The following RHOJ variants were observed in gnomAD, a reference collection of about 807,000 sequenced individuals.
RHOJ encodes rho-related GTP-binding protein RhoJ.
In RHOJ, 11 loss-of-function variants were observed where a neutral mutation model predicts 23.4. That is an observed-to-expected ratio of 0.47 (90% CI 0.30 to 0.78). The LOEUF is 0.78. Ranked by LOEUF, RHOJ falls within the 30% of genes least tolerant of loss-of-function variation. The pLI, the probability that RHOJ is intolerant of heterozygous loss-of-function variation, is 0.08. For synonymous variants in RHOJ, 102 were observed against 102.7 expected (o/e 0.99, Z 0.04); for missense variants, 254 against 273.4 (o/e 0.93, Z 0.50).
intron 1 of RHOJ, among the ~76,000 whole-genome samples, chr14:63,218,081 A>G (rs567470834): frequency 6.6e-6 from 1 of 152,192 alleles, no homozygotes; most frequent in Non-Finnish European, 1.5e-5. Flanking sequence ...CTCTTCTGGC[A>G]TTTTAATAAA....
At chr14:63,224,973 G>C (rs1356236742) in intron 1 of RHOJ, among the ~76,000 whole-genome samples, 1 of 126,042 alleles carries the variant, frequency 7.9e-6, no homozygotes, top group Non-Finnish European at 1.6e-5. Context: ...TTTTTTTTGA[G>C]ATGGGGTCTC....
intron 1 of RHOJ, among the ~76,000 whole-genome samples, chr14:63,237,580 A>T (rs898843571): frequency 7.9e-5 from 12 of 152,208 alleles, no homozygotes; most frequent in African/African-American, 2.9e-4. Flanking sequence ...GCCATGACTC[A>T]AAAACTCCAA....
intron 1 of RHOJ, among the ~76,000 whole-genome samples, chr14:63,216,138 G>C (rs917912162): frequency 6.6e-6 from 1 of 152,086 alleles, no homozygotes; most frequent in African/African-American, 2.4e-5. Flanking sequence ...ACACCAAAAG[G>C]TTTTGCTTCC....
chr14:63,281,197 C>A, intron 3 of RHOJ, 62 bp downstream of exon 3: 4 of 1,481,776 alleles, frequency 2.7e-6, no homozygotes, highest in Non-Finnish European at 3.6e-6. Context: ...CCTTTAGGTA[C>A]CTCGTGAACA....
At chr14:63,287,170 A>T (rs1307803879) in intron 4 of RHOJ, among the ~76,000 whole-genome samples, 1 of 151,956 alleles carries the variant, frequency 6.6e-6, no homozygotes, top group African/African-American at 2.4e-5. Context: ...CCATTTATTC[A>T]TTAATTTTGC....
intron 2 of RHOJ, among the ~76,000 whole-genome samples, chr14:63,273,718 C>G (rs1447165479): frequency 6.6e-6 from 1 of 152,214 alleles, no homozygotes; most frequent in East Asian, 1.9e-4. Context: ...GTGGGCAAAG[C>G]CCTATTCAGA....
chr14:63,219,847 C>G (rs530887629), intron 1 of RHOJ, among the ~76,000 whole-genome samples: 12 of 152,112 alleles, frequency 7.9e-5, no homozygotes, highest in African/African-American at 2.4e-4. Flanking sequence ...TTTTCCTCCC[C>G]CTCTGTAGTA....
intron 2 of RHOJ, among the ~76,000 whole-genome samples, chr14:63,274,462 T>C (rs1036006139): frequency 2.6e-5 from 4 of 152,098 alleles, no homozygotes; most frequent in South Asian, 2.1e-4. Flanking sequence ...AGAGTTGCAG[T>C]TGGAGTTTGC....
intron 1 of RHOJ, among the ~76,000 whole-genome samples, chr14:63,211,835 C>T (rs1399982557): frequency 6.6e-6 from 1 of 152,148 alleles, no homozygotes; most frequent in South Asian, 2.1e-4. Context: ...CTATTTCCCT[C>T]AAGGCTAAAC....
chr14:63,231,713 G>A (rs1894698988), intron 1 of RHOJ, among the ~76,000 whole-genome samples: 1 of 152,078 alleles, frequency 6.6e-6, no homozygotes, highest in Non-Finnish European at 1.5e-5. Flanking sequence ...AAACTTATGA[G>A]GATTAATTAA....
At chr14:63,214,538 G>T (rs1257234006) in intron 1 of RHOJ, among the ~76,000 whole-genome samples, 1 of 152,180 alleles carries the variant, frequency 6.6e-6, no homozygotes, top group Non-Finnish European at 1.5e-5. Context: ...GGCCTTTAGT[G>T]CCTCTTGGAA....
chr14:63,259,117 T>A (rs1895230153), intron 1 of RHOJ, among the ~76,000 whole-genome samples: 1 of 152,168 alleles, frequency 6.6e-6, no homozygotes, highest in Non-Finnish European at 1.5e-5. Flanking sequence ...TTTTTGTATT[T>A]CTAGTAGAGA....
chr14:63,220,786 G>C (rs1894474870), intron 1 of RHOJ, among the ~76,000 whole-genome samples: 1 of 152,164 alleles, frequency 6.6e-6, no homozygotes, highest in Admixed American at 6.5e-5. Flanking sequence ...AGATCAAAGT[G>C]TTCCCTGGAA....
At chr14:63,214,596 A>T (rs1894311994) in intron 1 of RHOJ, among the ~76,000 whole-genome samples, 1 of 152,188 alleles carries the variant, frequency 6.6e-6, no homozygotes, top group African/African-American at 2.4e-5. Flanking sequence ...CTCAAAAAAG[A>T]TCTGTACCTG....
chr14:63,221,741 G>A (rs1894498246), intron 1 of RHOJ, among the ~76,000 whole-genome samples: 1 of 152,152 alleles, frequency 6.6e-6, no homozygotes, highest in Non-Finnish European at 1.5e-5. Flanking sequence ...AGAAGATTTC[G>A]GTGTGAGTGG....
chr14:63,276,447 C>T (rs1306179995), intron 2 of RHOJ, among the ~76,000 whole-genome samples: 1 of 152,178 alleles, frequency 6.6e-6, no homozygotes. Context: ...GTCTTACTTC[C>T]ACATAAATCG....
intron 1 of RHOJ, among the ~76,000 whole-genome samples, chr14:63,211,194 A>G (rs558301925): frequency 6.0e-5 from 9 of 150,770 alleles, no homozygotes; most frequent in Admixed American, 4.2e-4. Context: ...CCACAGGGGG[A>G]AAAAATAACA....
chr14:63,212,091 C>T (rs1894249779), intron 1 of RHOJ, among the ~76,000 whole-genome samples: 1 of 152,202 alleles, frequency 6.6e-6, no homozygotes, highest in South Asian at 2.1e-4. Context: ...CATCTGGTAA[C>T]TCTGACATCC....
intron 1 of RHOJ, among the ~76,000 whole-genome samples, chr14:63,254,482 G>A (rs139517898): frequency 2.4e-3 from 360 of 152,228 alleles, no homozygotes; most frequent in Non-Finnish European, 4.0e-3. Flanking sequence ...AGCAAACCTC[G>A]TTGATTGAAT....
Sources: gnomAD v4.1 joint callset for allele counts (sites outside exome capture counted in the v4.1 genomes callset) on GRCh38, gnomAD v4.1.1 for gene constraint, MANE v1.5 for transcripts, NCBI Gene and HGNC (gene_info 2026-07-23, HGNC 2026-07-21) for gene names.